The following ZNF283 variants were observed in gnomAD, a reference collection of about 807,000 sequenced individuals.
ZNF283 encodes the protein zinc finger protein 41.
A neutral mutation model predicts 9.2 loss-of-function variants in ZNF283; 10 were observed. The ratio of observed to expected loss-of-function variants is 1.09; its 90% CI spans 0.67 to 1.85. ZNF283 has a LOEUF of 1.85. ZNF283 is among the 40% of genes most tolerant of loss of function. The pLI is 0.00. For synonymous variants in ZNF283, 234 were observed against 244.1 expected, an observed-to-expected ratio of 0.96 and a Z score of 0.38; for missense variants, 631 against 760.1, an observed-to-expected ratio of 0.83 and a Z score of 2.00.
chr19:43,831,404 C>T (rs1480982839), intron 3 of ZNF283, 23 bp downstream of exon 3: 2 of 1,585,640 alleles, frequency 1.3e-6, no homozygotes, highest in Non-Finnish European at 1.7e-6. Context: ...TGTTTCAGGC[C>T]CACTGATTTT....
chr19:43,828,693 GTTGC>G (rs1185436465), intron 2 of ZNF283, among the ~76,000 whole-genome samples: 41 of 152,020 alleles, frequency 2.7e-4, no homozygotes, highest in Admixed American at 9.2e-4. Flanking sequence ...GTCTCACTCT[GTTGC>G]CCAGGCTGAG....
rs1260566926 is a variant in ZNF283, at chr19:43,851,127, T to C, written c.*2486T>C. ...CAGTTGCACTCTTAATAATCAACTG[T>C]AACACAAAGCAGAGTACTTTGGGAG... On this transcript the variant is annotated 3_prime_UTR_variant, in exon 7 of 7. Coordinates refer to ENST00000618787, the MANE Select transcript of ZNF283 (RefSeq NM_181845.2). 6.6e-6 allele frequency: 1 copy of C among 152,190 alleles called. No homozygotes were observed. The highest frequency in any genetic ancestry group is 6.5e-5 in the Admixed American group (1 of 15,278). 9.4% of individuals were successfully genotyped at this position (152,190 alleles called of 1,614,324 possible).
chr19:43,839,313 G>C (rs1180199723), intron 6 of ZNF283, among the ~76,000 whole-genome samples: 1 of 151,590 alleles, frequency 6.6e-6, no homozygotes, highest in Non-Finnish European at 1.5e-5. Context: ...GAAATTAGCT[G>C]TTAATCTTGT....
In ZNF283 at chr19:43,848,653, AAAAG is replaced by A; in HGVS notation, c.*15_*18del. On this transcript the variant is annotated 3_prime_UTR_variant, in exon 7 of 7. Transcript: ENST00000618787. ...ATGAAACCTTATGATTGAAAGTTGT[AAAAG>A]AATATTTTGTGTGTGTGTATAGACA... 6.5e-7 allele frequency: 1 copy of A among 1,529,946 alleles called. No homozygotes were observed. The highest frequency in any genetic ancestry group is 2.3e-5 in the East Asian group (1 of 44,112). 94.8% of individuals were successfully genotyped at this position (1,529,946 alleles called of 1,614,324 possible).
chr19:43,827,488 TG>T (rs1236239743), intron 1 of ZNF283, 44 bp downstream of exon 1: 1 of 131,500 alleles, frequency 7.6e-6, no homozygotes, highest in Non-Finnish European at 1.6e-5. Flanking sequence ...CGGGTGAAGC[TG>T]GGAGGGCTCG....
chr19:43,843,521 A>G (rs1217600359), intron 6 of ZNF283, among the ~76,000 whole-genome samples: 1 of 152,234 alleles, frequency 6.6e-6, no homozygotes, highest in Admixed American at 6.5e-5. Context: ...TCAATCTGTC[A>G]TGTTAAAATT....
At chr19:43,833,971 C>T (rs1030448738) in intron 4 of ZNF283, 1 of 152,252 alleles carries the variant, frequency 6.6e-6, no homozygotes, top group African/African-American at 2.4e-5. Flanking sequence ...CAACAAAGGC[C>T]AGTAGGCAAT....
intron 6 of ZNF283, among the ~76,000 whole-genome samples, chr19:43,843,516 C>G (rs1268100036): frequency 6.6e-6 from 1 of 152,170 alleles, no homozygotes; most frequent in Non-Finnish European, 1.5e-5. Flanking sequence ...ATAATTCAAT[C>G]TGTCATGTTA....
chr19:43,848,776 G>A lies in ZNF283; in HGVS notation c.*135G>A, dbSNP rs1203508496. 2 of 819,958 alleles carry A rather than the reference G, an allele frequency of 2.4e-6. No homozygotes were observed. Among genetic ancestry groups the A allele is most frequent in the Non-Finnish European group, 3.6e-6 (2 of 561,268 alleles). 50.8% of individuals were successfully genotyped at this position (819,958 alleles called of 1,614,324 possible). ...ATTTCTGTTTATGGGCAATTATCTTGCTATCCAGCAATTCATACTAGTGAG... is the reference window on the plus strand; with the variant it reads ...ATTTCTGTTTATGGGCAATTATCTTACTATCCAGCAATTCATACTAGTGAG... On this transcript the variant is annotated 3_prime_UTR_variant, in exon 7 of 7. Transcript: ENST00000618787.
intron 3 of ZNF283, among the ~76,000 whole-genome samples, chr19:43,833,029 G>GA (rs368640688): frequency 0.24 from 18,098 of 76,228 alleles, 1,947 homozygotes; most frequent in Non-Finnish European, 0.27. Context: ...CCCTGTCTCT[G>GA]AAAAAAAAAA....
intron 1 of ZNF283, chr19:43,827,958 G>A (rs940487446): frequency 6.6e-6 from 1 of 152,172 alleles, no homozygotes; most frequent in African/African-American, 2.4e-5. Flanking sequence ...TCCTAGAAGA[G>A]GGGCCTCTAG....
chr19:43,827,824 A>G (rs1338656391), intron 1 of ZNF283: 1 of 152,240 alleles, frequency 6.6e-6, no homozygotes, highest in Non-Finnish European at 1.5e-5. Context: ...TGACCGCAAG[A>G]AAGAAGTCTA....
chr19:43,830,493 T>C (rs566373507), intron 2 of ZNF283, among the ~76,000 whole-genome samples: 1 of 152,142 alleles, frequency 6.6e-6, no homozygotes, highest in Non-Finnish European at 1.5e-5. Flanking sequence ...TGTGTTTTTT[T>C]AAGTGGGCAA....
intron 6 of ZNF283, among the ~76,000 whole-genome samples, chr19:43,842,955 A>G (rs1024931624): frequency 3.9e-5 from 6 of 152,034 alleles, no homozygotes; most frequent in South Asian, 2.1e-4. Flanking sequence ...AAAATATTCT[A>G]TGTAATGAAA....
intron 6 of ZNF283, chr19:43,837,542 C>CTGAGCA (rs1213600711): frequency 5.6e-5 from 19 of 336,592 alleles, no homozygotes; most frequent in African/African-American, 4.0e-4. Flanking sequence ...GTGCTGAGCA[C>CTGAGCA]TGTCAATTGA....
At chr19:43,839,628 T>A (rs1971119614) in intron 6 of ZNF283, among the ~76,000 whole-genome samples, 1 of 152,182 alleles carries the variant, frequency 6.6e-6, no homozygotes, top group South Asian at 2.1e-4. Flanking sequence ...TCACTGTTCA[T>A]TATTCCTTTT....
intron 6 of ZNF283, among the ~76,000 whole-genome samples, chr19:43,838,545 C>G (rs1373760679): frequency 6.6e-6 from 1 of 152,114 alleles, no homozygotes; most frequent in African/African-American, 2.4e-5. Flanking sequence ...GGCTGGATTG[C>G]TTGAACCTAA....
rs769170604 is a variant in ZNF283, at chr19:43,831,367, G to A, written c.-15G>A. ...TCATTACATTGAATAACAGCTACAG[G>A]ATGTTCGAGAGCTGGTAGGTGTAAA... On this transcript the variant is annotated 5_prime_UTR_variant, in exon 3 of 7. Coordinates refer to ENST00000618787, the MANE Select transcript of ZNF283 (RefSeq NM_181845.2). 16 of 1,595,658 alleles carry A rather than the reference G, an allele frequency of 1.0e-5. No individual in the cohort carries two copies. Among genetic ancestry groups the A allele is most frequent in the Non-Finnish European group, 1.3e-5 (15 of 1,178,602 alleles).
chr19:43,848,555 A>G lies in ZNF283; in HGVS notation c.1954A>G (p.Lys652Glu). Reference sequence around the variant, plus strand: ...TCATGAGAGAACTCATAGTAATGATAAACCCTACAAATATAACGAATGTGG... The same window carrying G: ...TCATGAGAGAACTCATAGTAATGATGAACCCTACAAATATAACGAATGTGG... ...LVHERTHSNDKPYKYNECGEA... is the reference protein window; with the variant it reads ...LVHERTHSNDEPYKYNECGEA... The change falls in exon 7 of 7, where the codon AAA becomes GAA. Residue 652 changes from lysine (K) to glutamate (E), a missense_variant. Lys to Glu is a moderately conservative substitution (Grantham distance 56, BLOSUM62 1). Coordinates refer to ENST00000618787, the MANE Select transcript of ZNF283 (RefSeq NM_181845.2). 3.1e-6 allele frequency: 5 copies of G among 1,607,160 alleles called. No homozygotes were observed. The highest frequency in any genetic ancestry group is 4.3e-6 in the Non-Finnish European group (5 of 1,175,126).
Sources: gnomAD v4.1 joint callset for allele counts (sites outside exome capture counted in the v4.1 genomes callset) on GRCh38, gnomAD v4.1.1 for gene constraint, MANE v1.5 for transcripts, NCBI Gene and HGNC (gene_info 2026-07-23, HGNC 2026-07-21) for gene names.